Variants in GUF1 observed in about 807,000 individuals in gnomAD.
GUF1 encodes the protein translation factor GUF1, mitochondrial.
In GUF1, 78 loss-of-function variants were observed where a neutral mutation model predicts 82.4. The observed-to-expected ratio is 0.95, with a 90% CI of 0.79 to 1.14. GUF1 has a LOEUF of 1.14. Among genes scored for constraint, GUF1 ranks in the 50% most tolerant of loss-of-function variants. The pLI, the probability that GUF1 is intolerant of heterozygous loss-of-function variation, is 0.00. For missense variants in GUF1, 814 were observed against 798.2 expected, an observed-to-expected ratio of 1.02 and a Z score of -0.24; for synonymous variants, 279 against 282.3, an observed-to-expected ratio of 0.99 and a Z score of 0.12.
chr4:44,698,650 T>TAA lies in GUF1; in HGVS notation c.1982_1983dup (p.Val662LysfsTer3). 3 of 1,605,828 alleles carry TAA rather than the reference T, an allele frequency of 1.9e-6. No homozygotes were observed. In the South Asian group the frequency reaches 3.4e-5, roughly 18 times the overall value. ...GTTGAAGTTCCAAAAGATGCTTTTA[T>TAA]AAAAGTTCTGAAAACACAATCTTCT... On this transcript the variant is annotated frameshift_variant, in exon 17 of 17. Coordinates refer to ENST00000281543, the MANE Select transcript of GUF1 (RefSeq NM_021927.3). LOFTEE classifies it high-confidence loss of function.
intron 16 of GUF1, among the ~76,000 whole-genome samples, chr4:44,697,943 C>T (rs1032682621): frequency 6.6e-6 from 1 of 152,130 alleles, no homozygotes; most frequent in Middle Eastern, 3.4e-3. Flanking sequence ...CTAGGAGTTC[C>T]GAGACCAGCC....
chr4:44,690,987 A>ATG, intron 12 of GUF1, 127 bp downstream of exon 12: 1 of 509,316 alleles, frequency 2.0e-6, no homozygotes, highest in Admixed American at 3.7e-5. Context: ...TCATATATAT[A>ATG]TCTGTCTATA....
At chr4:44,682,171 G>A (rs993395042) in intron 4 of GUF1, 163 bp from the exon 5 acceptor site, 18 of 403,958 alleles carry the variant, frequency 4.5e-5, no homozygotes, top group Middle Eastern at 6.6e-4. Flanking sequence ...GACATAAGTT[G>A]GAGAGAAAAG....
chr4:44,690,027 G>GA (rs1715334580), intron 11 of GUF1, 52 bp downstream of exon 11: 1 of 1,395,228 alleles, frequency 7.2e-7, no homozygotes, highest in East Asian at 2.4e-5. Context: ...TAGTCTCTTG[G>GA]AAAAAATAAA....
intron 10 of GUF1, 66 bp downstream of exon 10, chr4:44,689,475 T>G: frequency 6.9e-7 from 1 of 1,454,514 alleles, no homozygotes; most frequent in Non-Finnish European, 9.1e-7. Flanking sequence ...AAAAATATTT[T>G]TATAGGAAAG....
At chr4:44,682,195 T>C in intron 4 of GUF1, 139 bp from the exon 5 acceptor site, 1 of 443,152 alleles carries the variant, frequency 2.3e-6, no homozygotes, top group South Asian at 5.5e-5. Flanking sequence ...GAAGGGTAGC[T>C]ACATGGCATT....
chr4:44,695,509 A>T, intron 14 of GUF1, 106 bp from the exon 15 acceptor site: 1 of 759,352 alleles, frequency 1.3e-6, no homozygotes, highest in South Asian at 2.8e-5. Flanking sequence ...GTTCCATTTG[A>T]ACCTCCTTAA....
intron 6 of GUF1, among the ~76,000 whole-genome samples, chr4:44,684,075 A>G (rs111676714): frequency 0.017 from 2,607 of 152,212 alleles, 76 homozygotes; most frequent in African/African-American, 0.056. Flanking sequence ...ATGGCAGTGA[A>G]TAAGACAGAC....
At chr4:44,688,853 AAGT>A (rs1715233164) in intron 9 of GUF1, among the ~76,000 whole-genome samples, 2 of 151,950 alleles carry the variant, frequency 1.3e-5, no homozygotes, top group South Asian at 4.1e-4. Context: ...CTATGGTTTT[AAGT>A]AGATAATCTG....
intron 1 of GUF1, among the ~76,000 whole-genome samples, chr4:44,679,687 AAAAC>A (rs1340452091): frequency 6.6e-5 from 10 of 152,158 alleles, no homozygotes; most frequent in Admixed American, 1.3e-4. Flanking sequence ...GGGCTATTAA[AAAAC>A]AAAGCTCACG....
chr4:44,700,906 G>A lies in GUF1; in HGVS notation c.*2225G>A, dbSNP rs1716200015. The stretch of plus-strand genomic sequence containing the variant: ...TAGTATTTTGAAAATGACAGTATTT[G>A]AAATTAAAAAATTGTAAAAGTGTTC... On this transcript the variant is annotated 3_prime_UTR_variant, in exon 17 of 17. Coordinates refer to ENST00000281543, the MANE Select transcript of GUF1 (RefSeq NM_021927.3). 6.6e-6 allele frequency: 1 copy of A among 152,070 alleles called. No individual in the cohort carries two copies. The highest frequency in any genetic ancestry group is 1.5e-5 in the Non-Finnish European group (1 of 68,016). 9.4% of individuals were successfully genotyped at this position (152,070 alleles called of 1,614,324 possible). A position where few individuals can be genotyped will look rare whatever the true frequency, so the allele number is the denominator to read the frequency against.
At chr4:44,695,543 G>A in intron 14 of GUF1, 72 bp from the exon 15 acceptor site, 6 of 1,321,490 alleles carry the variant, frequency 4.5e-6, no homozygotes, top group Non-Finnish European at 6.3e-6. Context: ...CACTGATTAT[G>A]CAACTGGCCT....
chr4:44,691,389 C>T (rs1577775307), intron 12 of GUF1, among the ~76,000 whole-genome samples: 3 of 151,672 alleles, frequency 2.0e-5, no homozygotes, highest in South Asian at 4.1e-4. Context: ...TTTCTCTGGA[C>T]CTAATTATTT....
Position 44,678,746 on chromosome 4 carries a change from T to TC in GUF1, c.126dup (p.Trp43LeufsTer17). On this transcript the variant is annotated frameshift_variant, in exon 1 of 17. Coordinates refer to ENST00000281543, the MANE Select transcript of GUF1 (RefSeq NM_021927.3). LOFTEE classifies it high-confidence loss of function. ...GCCGACCCTTGGGGCTGCTCCAGAG[T>TC]CCTGGGCTACCGACAGGCTCTACAG... 1 of 1,549,340 alleles carries TC rather than the reference T, an allele frequency of 6.5e-7. No individual in the cohort carries two copies. The highest frequency in any genetic ancestry group is 1.4e-5 in the African/African-American group (1 of 69,890).
rs1167399230 is a variant in GUF1 at position 44,694,438 on chromosome 4, A to G, written c.1640A>G (p.Gln547Arg). Residue 547 changes from glutamine to arginine, a missense_variant, in exon 14 of 17, where the codon CAG (glutamine) becomes CGG (arginine). By Grantham distance (43) the Gln-to-Arg change is conservative. Transcript: ENST00000281543. The stretch of plus-strand genomic sequence containing the variant: ...TTTGATTACGAAGATGCAGGCTACC[A>G]GACTGCAGAACTTGTAAAAATGGAT... ...ASFDYEDAGYQTAELVKMDIL... is the reference protein window; with the variant it reads ...ASFDYEDAGYRTAELVKMDIL... 6.2e-7 allele frequency: 1 copy of G among 1,612,430 alleles called. No individual in the cohort carries two copies. The highest frequency in any genetic ancestry group is 8.5e-7 in the Non-Finnish European group (1 of 1,178,792).
chr4:44,686,945 G>A (rs1373766448), intron 8 of GUF1, among the ~76,000 whole-genome samples: 3 of 151,876 alleles, frequency 2.0e-5, no homozygotes, highest in Admixed American at 6.6e-5. Context: ...TTATGATCAA[G>A]GGTAGATTGG....
At chr4:44,695,531 T>C (rs1191296350) in intron 14 of GUF1, 84 bp from the exon 15 acceptor site, 1 of 1,188,726 alleles carries the variant, frequency 8.4e-7, no homozygotes. Flanking sequence ...AGATCACCTT[T>C]ACACTGATTA....
chr4:44,697,141 C>T (rs1715877418), intron 15 of GUF1, among the ~76,000 whole-genome samples: 1 of 152,084 alleles, frequency 6.6e-6, no homozygotes, highest in Non-Finnish European at 1.5e-5. Context: ...TTGAATTTGG[C>T]CTAATCAAGC....
chr4:44,686,373 A>G, intron 7 of GUF1, 137 bp from the exon 8 acceptor site: 1 of 505,590 alleles, frequency 2.0e-6, no homozygotes, highest in Non-Finnish European at 3.4e-6. Context: ...TATATTTTAT[A>G]AAAAGGTCTT....
Sources: gnomAD v4.1 joint callset for allele counts (sites outside exome capture counted in the v4.1 genomes callset) on GRCh38, gnomAD v4.1.1 for gene constraint, MANE v1.5 for transcripts, NCBI Gene and HGNC (gene_info 2026-07-23, HGNC 2026-07-21) for gene names.